SLC12A7: variants seen among roughly 807,000 people sequenced by gnomAD.
SLC12A7 encodes solute carrier family 12 member 7.
In SLC12A7, 100 loss-of-function variants were observed where a neutral mutation model predicts 120.6. The ratio of observed to expected loss-of-function variants is 0.83; its 90% CI spans 0.71 to 0.98. The LOEUF is 0.98. Among genes scored for constraint, SLC12A7 ranks in the 50% least tolerant of loss-of-function variants. SLC12A7 has a pLI of 0.00. For synonymous variants in SLC12A7, 760 were observed against 678.0 expected (o/e 1.12, Z -1.88); for missense variants, 1,373 against 1,548.1 (o/e 0.89, Z 1.90).
chr5:1,119,739 G>T, the SLC12A7 span, among the ~76,000 whole-genome samples: 1 of 152,278 alleles, frequency 6.6e-6, no homozygotes, highest in Non-Finnish European at 1.5e-5. Flanking sequence ...AGGGCTGCAT[G>T]TCAGGGTGCA....
chr5:1,051,181 T>C lies in SLC12A7; in HGVS notation c.*1179A>G, dbSNP rs867515196. The C allele has an allele frequency of 2.7e-6, 1 of 372,592 alleles. No individual in the cohort carries two copies. Among genetic ancestry groups the C allele is most frequent in the Non-Finnish European group, 4.8e-6 (1 of 209,976 alleles). The allele number at this position is 372,592 out of a possible 1,614,324, so 23.1% of individuals were successfully genotyped here. A position where few individuals can be genotyped will look rare whatever the true frequency, so the allele number is the denominator to read the frequency against. On this transcript the variant is annotated 3_prime_UTR_variant, in exon 24 of 24. Coordinates refer to ENST00000264930, the MANE Select transcript of SLC12A7 (RefSeq NM_006598.3). ...TGCAAAGTGTTGGGCCCTTGAAAGC[T>C]ATCTCTTCAGTGCCACCGCCGCCTC...
chr5:1,068,581 C>T (rs938972614), intron 17 of SLC12A7, among the ~76,000 whole-genome samples: 2 of 152,252 alleles, frequency 1.3e-5, no homozygotes, highest in African/African-American at 4.8e-5. Context: ...GCGGGGCCTG[C>T]GGCTGGCTCC....
intron 7 of SLC12A7, among the ~76,000 whole-genome samples, chr5:1,084,636 G>A (rs1739612152): frequency 6.6e-6 from 1 of 152,188 alleles, no homozygotes; most frequent in African/African-American, 2.4e-5. Context: ...ACGGGCTTGT[G>A]GGGTTGCAGC....
chr5:1,116,638 AGGCTCC>A (rs1482175768), upstream of SLC12A7, among the ~76,000 whole-genome samples: 4 of 152,212 alleles, frequency 2.6e-5, no homozygotes, highest in African/African-American at 4.8e-5. Flanking sequence ...CTCACTCAGG[AGGCTCC>A]AGGATTTTTA....
chr5:1,064,915 G>C (rs1470386902), intron 18 of SLC12A7, among the ~76,000 whole-genome samples: 4 of 150,466 alleles, frequency 2.7e-5, no homozygotes, highest in African/African-American at 9.8e-5. Context: ...AGGGGACGGC[G>C]AGGAGATGGT....
At chr5:1,141,640 TTTAAG>T in the SLC12A7 span, among the ~76,000 whole-genome samples, 2 of 152,204 alleles carry the variant, frequency 1.3e-5, no homozygotes, top group African/African-American at 4.8e-5. Context: ...GAAGTTTATA[TTTAAG>T]TTAAAATTTT....
At chr5:1,124,340 C>T in the SLC12A7 span, among the ~76,000 whole-genome samples, 4 of 152,302 alleles carry the variant, frequency 2.6e-5, no homozygotes, top group African/African-American at 7.2e-5. Flanking sequence ...GCAGCTCCAG[C>T]GCCTGGTCAT....
At chr5:1,135,961 C>T in the SLC12A7 span, among the ~76,000 whole-genome samples, 16 of 152,224 alleles carry the variant, frequency 1.1e-4, no homozygotes, top group Admixed American at 7.9e-4. Context: ...GTGGCCTCGT[C>T]GGCCCTGCGG....
chr5:1,084,027 C>A, intron 7 of SLC12A7, 71 bp from the exon 8 acceptor site: 1 of 1,354,540 alleles, frequency 7.4e-7, no homozygotes, highest in East Asian at 2.4e-5. Context: ...CCCAGCTCCC[C>A]CAACGGGCAC....
upstream of SLC12A7, among the ~76,000 whole-genome samples, chr5:1,112,350 GGCCC>G (rs1743099427): frequency 1.6e-4 from 2 of 12,354 alleles, no homozygotes; most frequent in African/African-American, 2.6e-4. Context: ...CGCCCTCCCC[GGCCC>G]CCTCCCCGCC....
rs1374122612 is a variant in SLC12A7 at position 1,061,156 on chromosome 5, C to T, written c.2740-705G>A. Among the ~76,000 whole-genome samples the T allele has an allele frequency of 9.0e-4, 32 of 35,612 alleles. 1 individual carries two copies. The highest frequency in any genetic ancestry group is 1.3e-3 in the African/African-American group (31 of 23,968). 23.4% of individuals were successfully genotyped at this position (35,612 alleles called of 152,430 possible). A position where few individuals can be genotyped will look rare whatever the true frequency, so the allele number is the denominator to read the frequency against. On this transcript the variant is annotated intron_variant, in intron 20 of 23. Transcript: ENST00000264930. The stretch of plus-strand genomic sequence containing the variant: ...ACCCCTGCGTCTCACCCGCCGCACC[C>T]GCCGTGCGGGACCCCTGCGTCTCAC...
rs201279237 is a variant in SLC12A7 at position 1,096,955 on chromosome 5, T to TC, written c.125-2708_125-2707insG. Among the ~76,000 whole-genome samples the TC allele has an allele frequency of 3.0e-3, 456 of 150,688 alleles. 2 individuals carry two copies. The highest frequency in any genetic ancestry group is 8.9e-3 in the African/African-American group (365 of 40,844). ...GAGGGAGAGACCCGAGGGTTTCGGG[T>TC]TCTCCCTCCCACGCAGCCAACCCCA... is the stretch of plus-strand genomic sequence containing the variant. On this transcript the variant is annotated intron_variant, in intron 1 of 23. Transcript: ENST00000264930.
intron 1 of SLC12A7, among the ~76,000 whole-genome samples, chr5:1,096,616 A>G (rs993484183): frequency 6.8e-6 from 1 of 147,734 alleles, no homozygotes; most frequent in Non-Finnish European, 1.5e-5. Flanking sequence ...TCTGGAGTCA[A>G]TGGAAGATGA....
intron 22 of SLC12A7, among the ~76,000 whole-genome samples, chr5:1,055,764 T>G (rs4365871): frequency 0.94 from 143,002 of 152,314 alleles, 67,799 homozygotes; most frequent in East Asian, 1. Flanking sequence ...ACGTCGTTCT[T>G]CGGCTTTAAT....
At chr5:1,149,043 C>T in the SLC12A7 span, among the ~76,000 whole-genome samples, 11 of 149,920 alleles carry the variant, frequency 7.3e-5, no homozygotes, top group South Asian at 4.3e-4. Context: ...CCACCTGTGT[C>T]TACCGTGAAT....
intron 17 of SLC12A7, among the ~76,000 whole-genome samples, chr5:1,067,483 C>T (rs1366406453): frequency 6.6e-6 from 1 of 152,244 alleles, no homozygotes; most frequent in Non-Finnish European, 1.5e-5. Context: ...CTCTGCAGGG[C>T]AATTCAGGTT....
At chr5:1,078,176 C>T (rs1738588217) in intron 11 of SLC12A7, among the ~76,000 whole-genome samples, 169 bp from the exon 12 acceptor site, 2 of 152,196 alleles carry the variant, frequency 1.3e-5, no homozygotes, top group East Asian at 3.8e-4. Flanking sequence ...CAGGCTCTGC[C>T]CAGCATGGCC....
the SLC12A7 span, among the ~76,000 whole-genome samples, chr5:1,141,256 C>G: frequency 3.9e-5 from 6 of 152,162 alleles, no homozygotes; most frequent in Non-Finnish European, 8.8e-5. Context: ...TAAGGACACC[C>G]GTTATATTGA....
intron 20 of SLC12A7, among the ~76,000 whole-genome samples, chr5:1,061,484 G>GCACC (rs1736265700): frequency 4.3e-5 from 4 of 92,282 alleles, no homozygotes; most frequent in African/African-American, 1.7e-4. Context: ...CGCACCCGCC[G>GCACC]TGCGGGATCC....
Sources: allele counts gnomAD v4.1 joint callset (sites outside exome capture counted in the v4.1 genomes callset), GRCh38; gene constraint gnomAD v4.1.1; transcripts MANE v1.5; gene names NCBI Gene and HGNC (gene_info 2026-07-23, HGNC 2026-07-21).